The following ALOX5 variants were observed in gnomAD, a reference collection of about 807,000 sequenced individuals.
ALOX5 encodes polyunsaturated fatty acid 5-lipoxygenase.
In ALOX5, 64 loss-of-function variants were observed where a neutral mutation model predicts 87.9. That is an observed-to-expected ratio of 0.73 (90% CI 0.60 to 0.90). The LOEUF (loss-of-function observed/expected upper bound fraction) is 0.90, where lower values mean the gene tolerates loss of function less well. Ranked by LOEUF, ALOX5 falls within the 40% of genes least tolerant of loss-of-function variation. ALOX5 has a pLI of 0.00. For missense variants in ALOX5, 822 were observed against 907.5 expected (o/e 0.91, Z 1.21); for synonymous variants, 388 against 355.1 (o/e 1.09, Z -1.04).
Position 45,374,402 on chromosome 10 carries a change from CT to C in ALOX5, c.125del (p.Phe42SerfsTer15). 6.4e-7 allele frequency: 1 copy of C among 1,565,240 alleles called. No individual in the cohort carries two copies. Among genetic ancestry groups the C allele is most frequent in the East Asian group, 2.5e-5 (1 of 40,622 alleles). ...CSEKHLLDKPFYNDFERGAVD... is the reference protein window; with the variant it reads ...CSEKHLLDKPXYNDFERGAVD... ...GCGAGAAGCACCTGCTGGACAAGCCCTTCTACAACGACTTCGAGCGTGGCGC... is the reference window on the plus strand; with the variant it reads ...GCGAGAAGCACCTGCTGGACAAGCCCTCTACAACGACTTCGAGCGTGGCGC... On this transcript the variant is annotated frameshift_variant, in exon 1 of 14. Transcript: ENST00000374391. LOFTEE classifies it high-confidence loss of function.
At chr10:45,377,209 T>C (rs1311772458) in intron 1 of ALOX5, among the ~76,000 whole-genome samples, 1 of 152,120 alleles carries the variant, frequency 6.6e-6, no homozygotes, top group Non-Finnish European at 1.5e-5. Flanking sequence ...CATGAAAAAT[T>C]AATTCTAGAA....
Position 45,395,947 on chromosome 10 carries a change from ACATCAGATCGAGTGGCCACGGGG to A in ALOX5, c.431+13_431+35del. 6.2e-7 allele frequency: 1 copy of A among 1,613,850 alleles called. No individual in the cohort carries two copies. The highest frequency in any genetic ancestry group is 8.5e-7 in the Non-Finnish European group (1 of 1,179,668). ...GCAAAAACAATATCGGTGAGTTATG[ACATCAGATCGAGTGGCCACGGGG>A]CCATGGTTTCTTCTATCTCAAGAGC... is the stretch of plus-strand genomic sequence containing the variant. On this transcript the variant is annotated intron_variant, in intron 3 of 13. Coordinates refer to ENST00000374391, the MANE Select transcript of ALOX5 (RefSeq NM_000698.5).
Position 45,443,117 on chromosome 10 carries a change from T to C in ALOX5, c.1352T>C (p.Phe451Ser). 1 of 1,613,782 alleles carries C rather than the reference T, an allele frequency of 6.2e-7. No individual in the cohort carries two copies. Among genetic ancestry groups the C allele is most frequent in the Non-Finnish European group, 8.5e-7 (1 of 1,180,004 alleles). Residue 451 changes from phenylalanine to serine, a missense_variant, in exon 10 of 14, where the codon TTT becomes TCT. By Grantham distance (155) the Phe-to-Ser change is radical. Transcript: ENST00000374391. ...GACCTGACCTATGCCTCCCTGTGCT[T>C]TCCCGAGGCCATCAAGGCCCGGGGC... The part of the protein sequence containing the change: ...MKDLTYASLC[F>S]PEAIKARGME...
intron 2 of ALOX5, among the ~76,000 whole-genome samples, chr10:45,394,208 T>TA (rs2132712868): frequency 6.6e-6 from 1 of 152,290 alleles, no homozygotes; most frequent in Admixed American, 6.5e-5. Context: ...CAAACTATAC[T>TA]ACAAGGCTAC....
Position 45,440,634 on chromosome 10 carries a change from G to A in ALOX5, c.1185+1G>A, listed in dbSNP as rs2132852970. 2 of 1,613,924 alleles carry A rather than the reference G, an allele frequency of 1.2e-6. No homozygotes were observed. Among genetic ancestry groups the A allele is most frequent in the Non-Finnish European group, 1.7e-6 (2 of 1,179,940 alleles). Reference sequence around the variant, plus strand: ...GCCTGCTGTGCACCCCATTTTCAAGGTACAGCCAGCTACCGCCCCACCTGC... The same window carrying A: ...GCCTGCTGTGCACCCCATTTTCAAGATACAGCCAGCTACCGCCCCACCTGC... On this transcript the variant is annotated splice_donor_variant, in intron 8 of 13. Transcript: ENST00000374391. LOFTEE classifies it high-confidence loss of function.
chr10:45,394,466 A>G (rs1414011066), intron 2 of ALOX5, among the ~76,000 whole-genome samples: 1 of 152,258 alleles, frequency 6.6e-6, no homozygotes, highest in African/African-American at 2.4e-5. Context: ...AAGGTGGATT[A>G]AAGACTTAAA....
intron 3 of ALOX5, among the ~76,000 whole-genome samples, chr10:45,409,181 G>C (rs1352484057): frequency 6.6e-6 from 1 of 152,162 alleles, no homozygotes; most frequent in Non-Finnish European, 1.5e-5. Flanking sequence ...GGCTGTTTCT[G>C]TACCTCACTT....
intron 1 of ALOX5, among the ~76,000 whole-genome samples, chr10:45,377,414 A>G (rs1393438102): frequency 6.9e-6 from 1 of 145,310 alleles, no homozygotes; most frequent in Non-Finnish European, 1.5e-5. Context: ...TCTACCCTAC[A>G]ACTCTCCCTT....
At chr10:45,412,013 C>T (rs1412221510) in intron 3 of ALOX5, among the ~76,000 whole-genome samples, 178 bp from the exon 4 acceptor site, 1 of 152,206 alleles carries the variant, frequency 6.6e-6, no homozygotes, top group African/African-American at 2.4e-5. Flanking sequence ...TGCGACTGGA[C>T]TTTGGAAGAG....
intron 9 of ALOX5, chr10:45,441,699 TG>T (rs2132856066): frequency 2.2e-6 from 1 of 458,028 alleles, no homozygotes; most frequent in African/African-American, 2.1e-5. Flanking sequence ...CTCTGGGACC[TG>T]GGTGTAGACC....
chr10:45,409,593 C>T (rs1430530330), intron 3 of ALOX5, among the ~76,000 whole-genome samples: 2 of 151,048 alleles, frequency 1.3e-5, no homozygotes, highest in Admixed American at 1.3e-4. Flanking sequence ...CTCTCTGTCT[C>T]TCTGTCTCTC....
chr10:45,391,188 C>T (rs536773425), intron 2 of ALOX5, among the ~76,000 whole-genome samples: 3 of 152,002 alleles, frequency 2.0e-5, no homozygotes, highest in East Asian at 1.9e-4. Context: ...ACTGCAACCT[C>T]CCTGCCTGAT....
intron 7 of ALOX5, among the ~76,000 whole-genome samples, chr10:45,433,314 G>A (rs966014409): frequency 6.6e-6 from 1 of 152,318 alleles, no homozygotes; most frequent in Non-Finnish European, 1.5e-5. Flanking sequence ...ATCCCACAGC[G>A]CCTGCTGTAC....
intron 6 of ALOX5, among the ~76,000 whole-genome samples, chr10:45,428,166 G>A (rs1298636355): frequency 2.5e-5 from 1 of 40,492 alleles, no homozygotes; most frequent in South Asian, 9.8e-4. Context: ...GGACAGCCCC[G>A]CCTCGCTTCC....
chr10:45,442,744 T>A (rs1311515487), intron 9 of ALOX5: 1 of 402,558 alleles, frequency 2.5e-6, no homozygotes, highest in African/African-American at 2.1e-5. Flanking sequence ...CCCACACACC[T>A]GCCCACGCCT....
intron 9 of ALOX5, among the ~76,000 whole-genome samples, chr10:45,442,252 C>G (rs1457428258): frequency 6.6e-6 from 1 of 152,182 alleles, no homozygotes; most frequent in African/African-American, 2.4e-5. Context: ...TGCAGACAGG[C>G]CCCCATGGGA....
chr10:45,392,602 C>T (rs931053727), intron 2 of ALOX5, among the ~76,000 whole-genome samples: 5 of 151,904 alleles, frequency 3.3e-5, no homozygotes, highest in South Asian at 2.1e-4. Context: ...CCTAGGAAAA[C>T]CAGAGACCTT....
chr10:45,403,461 C>T (rs917265143), intron 3 of ALOX5, among the ~76,000 whole-genome samples: 7 of 151,998 alleles, frequency 4.6e-5, no homozygotes, highest in Admixed American at 1.3e-4. Context: ...TGGTCATTAC[C>T]GGGGATGGAA....
chr10:45,394,705 A>T (rs1484651061), intron 2 of ALOX5, among the ~76,000 whole-genome samples: 1 of 152,230 alleles, frequency 6.6e-6, no homozygotes, highest in Non-Finnish European at 1.5e-5. Context: ...CAATCTACTC[A>T]TCTGACAAAG....
Sources: gnomAD v4.1 joint callset for allele counts (sites outside exome capture counted in the v4.1 genomes callset) on GRCh38, gnomAD v4.1.1 for gene constraint, MANE v1.5 for transcripts, NCBI Gene and HGNC (gene_info 2026-07-23, HGNC 2026-07-21) for gene names.